GPCPD1: variants seen among roughly 807,000 people sequenced by gnomAD.
GPCPD1 encodes glycerophosphocholine phosphodiesterase GPCPD1.
In GPCPD1, 29 loss-of-function variants were observed where a neutral mutation model predicts 89.2. The observed-to-expected ratio is 0.33, with a 90% CI of 0.24 to 0.44. The LOEUF (loss-of-function observed/expected upper bound fraction) is 0.44, where lower values mean the gene tolerates loss of function less well. Among genes scored for constraint, GPCPD1 ranks in the 20% least tolerant of loss-of-function variants. The pLI, the probability that GPCPD1 is intolerant of heterozygous loss-of-function variation, is 1.00. For missense variants in GPCPD1, 594 were observed against 808.9 expected, an observed-to-expected ratio of 0.73 and a Z score of 3.22; for synonymous variants, 258 against 266.3, an observed-to-expected ratio of 0.97 and a Z score of 0.30.
chr20:5,580,592 G>C (rs1201977083), intron 6 of GPCPD1, among the ~76,000 whole-genome samples: 1 of 151,762 alleles, frequency 6.6e-6, no homozygotes, highest in Non-Finnish European at 1.5e-5. Context: ...CGGGCGTGGT[G>C]GCGGGCGCCT....
At chr20:5,549,544 T>A (rs964997921) in intron 19 of GPCPD1, 1 of 942,548 alleles carries the variant, frequency 1.1e-6, no homozygotes, top group Non-Finnish European at 1.6e-6. Flanking sequence ...GCAATCGAGA[T>A]TTTGGAGCTG....
chr20:5,599,369 G>A (rs1325122383), intron 2 of GPCPD1, among the ~76,000 whole-genome samples: 1 of 151,978 alleles, frequency 6.6e-6, no homozygotes. Flanking sequence ...AGGAGGCTGA[G>A]GCAGGAGAAT....
intron 19 of GPCPD1, chr20:5,548,319 C>T (rs1372316777): frequency 6.6e-6 from 1 of 152,482 alleles, no homozygotes; most frequent in Non-Finnish European, 1.5e-5. Flanking sequence ...GTGGAGAACT[C>T]TGAAAGAGCC....
At chr20:5,555,404 T>C (rs920903964) in intron 19 of GPCPD1, among the ~76,000 whole-genome samples, 2 of 152,080 alleles carry the variant, frequency 1.3e-5, no homozygotes, top group Non-Finnish European at 2.9e-5. Context: ...CTGGATGTGG[T>C]TGTGCATGCC....
intron 19 of GPCPD1, chr20:5,548,938 C>T (rs921009972): frequency 6.7e-6 from 7 of 1,048,776 alleles, no homozygotes; most frequent in Middle Eastern, 3.5e-4. Context: ...CTATATTAAA[C>T]ATCCTCTACA....
intron 11 of GPCPD1, among the ~76,000 whole-genome samples, chr20:5,570,943 G>A (rs1357558270): frequency 6.6e-6 from 1 of 152,120 alleles, no homozygotes; most frequent in African/African-American, 2.4e-5. Flanking sequence ...AAAGAAAAAG[G>A]CAGATCCACT....
chr20:5,586,161 T>A, intron 5 of GPCPD1, 33 bp downstream of exon 5: 2 of 1,066,178 alleles, frequency 1.9e-6, no homozygotes, highest in South Asian at 1.3e-5. Flanking sequence ...ACTTTATGCA[T>A]ATGCCTCAAA....
At chr20:5,602,848 T>C (rs1413915083) in intron 2 of GPCPD1, among the ~76,000 whole-genome samples, 1 of 151,982 alleles carries the variant, frequency 6.6e-6, no homozygotes, top group Non-Finnish European at 1.5e-5. Flanking sequence ...CCAGGTGTGG[T>C]GTCAGGCATC....
intron 7 of GPCPD1, among the ~76,000 whole-genome samples, chr20:5,579,440 C>T (rs190526294): frequency 3.2e-4 from 49 of 152,198 alleles, no homozygotes; most frequent in Admixed American, 1.6e-3. Flanking sequence ...TTCCGCCTTC[C>T]GGGTTCAAGC....
At chr20:5,582,247 ATGTAG>A (rs1180996225) in intron 6 of GPCPD1, among the ~76,000 whole-genome samples, 1 of 149,164 alleles carries the variant, frequency 6.7e-6, no homozygotes, top group African/African-American at 2.5e-5. Context: ...ACTCCAAAAC[ATGTAG>A]TGTAAATATT....
At chr20:5,554,946 G>A (rs144966813) in intron 19 of GPCPD1, among the ~76,000 whole-genome samples, 1 of 152,228 alleles carries the variant, frequency 6.6e-6, no homozygotes, top group Non-Finnish European at 1.5e-5. Flanking sequence ...AGATGCCAGA[G>A]GGGTTCAAAC....
intron 1 of GPCPD1, among the ~76,000 whole-genome samples, chr20:5,605,347 G>A (rs1428781131): frequency 1.3e-5 from 2 of 152,160 alleles, no homozygotes; most frequent in African/African-American, 2.4e-5. Flanking sequence ...AGAGAAAAAA[G>A]CTTCACTTAA....
At chr20:5,610,551 T>C (rs980509190) in intron 1 of GPCPD1, among the ~76,000 whole-genome samples, 1 of 152,132 alleles carries the variant, frequency 6.6e-6, no homozygotes, top group Non-Finnish European at 1.5e-5. Flanking sequence ...CGCACCCTGC[T>C]ACTCCTCAAA....
At chr20:5,548,795 C>G (rs1985188568) in intron 19 of GPCPD1, 2 of 406,954 alleles carry the variant, frequency 4.9e-6, no homozygotes, top group Non-Finnish European at 8.1e-6. Context: ...TGGTAGGAAA[C>G]AAGAGCAGAG....
chr20:5,605,929 T>C (rs1478329942), intron 1 of GPCPD1, among the ~76,000 whole-genome samples: 3 of 152,202 alleles, frequency 2.0e-5, no homozygotes, highest in Admixed American at 2.0e-4. Context: ...CAATTAGGAT[T>C]CTTCCTCACA....
At chr20:5,548,664 G>C (rs6053482) in intron 19 of GPCPD1, among the ~76,000 whole-genome samples, 1 of 152,106 alleles carries the variant, frequency 6.6e-6, no homozygotes, top group East Asian at 1.9e-4. Context: ...AATAAAATCC[G>C]TAAGTAAGAG....
intron 9 of GPCPD1, 130 bp downstream of exon 9, chr20:5,575,686 C>T (rs113129800): frequency 3.4e-5 from 29 of 858,570 alleles, no homozygotes; most frequent in African/African-American, 2.9e-4. Flanking sequence ...CAAAATGTAA[C>T]AGACATGCTC....
intron 3 of GPCPD1, among the ~76,000 whole-genome samples, 200 bp from the exon 4 acceptor site, chr20:5,593,611 G>C (rs941574055): frequency 6.6e-6 from 1 of 152,228 alleles, no homozygotes; most frequent in African/African-American, 2.4e-5. Context: ...TATCTTCAAA[G>C]AGCTTCCTTT....
intron 19 of GPCPD1, 79 bp from the exon 20 acceptor site, chr20:5,547,929 C>T: frequency 3.0e-6 from 2 of 662,032 alleles, no homozygotes; most frequent in Non-Finnish European, 5.0e-6. Flanking sequence ...TCAACCTTTT[C>T]ATAAGAATTC....
Sources: allele counts gnomAD v4.1 joint callset (sites outside exome capture counted in the v4.1 genomes callset), GRCh38; gene constraint gnomAD v4.1.1; transcripts MANE v1.5; gene names NCBI Gene and HGNC (gene_info 2026-07-23, HGNC 2026-07-21).